ROBO1: variants seen among roughly 807,000 people sequenced by gnomAD.
ROBO1 encodes the protein roundabout guidance receptor 1, also known as roundabout homolog 1.
In ROBO1, 149 loss-of-function variants were observed where a neutral mutation model predicts 195.9. The observed-to-expected ratio is 0.76, with a 90% CI of 0.67 to 0.87. ROBO1 has a LOEUF of 0.87. Ranked by LOEUF, ROBO1 falls within the 40% of genes least tolerant of loss-of-function variation. The pLI is 0.00. For synonymous variants in ROBO1, 816 were observed against 733.2 expected (o/e 1.11, Z -1.82); for missense variants, 1,933 against 2,068.3 (o/e 0.93, Z 1.27).
At chr3:79,663,314 GTTAT>G (rs1295680148) in intron 1 of ROBO1, among the ~76,000 whole-genome samples, 22 of 151,998 alleles carry the variant, frequency 1.4e-4, no homozygotes, top group African/African-American at 5.1e-4. Context: ...AAAACTCAAA[GTTAT>G]TTATTGGATT....
At chr3:79,518,454 C>T (rs956734066) in intron 2 of ROBO1, among the ~76,000 whole-genome samples, 1 of 152,070 alleles carries the variant, frequency 6.6e-6, no homozygotes, top group Non-Finnish European at 1.5e-5. Context: ...TCAGTTCTCT[C>T]AGGTAGTTTT....
intron 2 of ROBO1, among the ~76,000 whole-genome samples, chr3:79,390,685 A>C (rs772794329): frequency 6.6e-6 from 1 of 152,122 alleles, no homozygotes; most frequent in Non-Finnish European, 1.5e-5. Context: ...GTGCATACAC[A>C]CCTAGGCAGA....
intron 3 of ROBO1, among the ~76,000 whole-genome samples, chr3:78,953,731 C>A (rs1395643406): frequency 6.6e-6 from 1 of 151,912 alleles, no homozygotes; most frequent in Non-Finnish European, 1.5e-5. Flanking sequence ...TCAAATCTAG[C>A]CTCTGGTACT....
At chr3:78,934,897 T>A (rs540190401) in intron 4 of ROBO1, among the ~76,000 whole-genome samples, 1 of 152,186 alleles carries the variant, frequency 6.6e-6, no homozygotes, top group African/African-American at 2.4e-5. Context: ...GGAGTAATCC[T>A]TCCATCTTCC....
intron 3 of ROBO1, among the ~76,000 whole-genome samples, chr3:79,066,344 G>C (rs140926862): frequency 2.5e-3 from 377 of 151,918 alleles, no homozygotes; most frequent in African/African-American, 8.7e-3. Context: ...GCTATTTCTT[G>C]ATCTAGGTTA....
chr3:79,238,856 T>G (rs1437882530), intron 2 of ROBO1, among the ~76,000 whole-genome samples: 1 of 152,246 alleles, frequency 6.6e-6, no homozygotes, highest in Admixed American at 6.5e-5. Context: ...GATTCTGTTT[T>G]CTGTCACTTG....
At chr3:79,662,408 T>A (rs1946355348) in intron 1 of ROBO1, among the ~76,000 whole-genome samples, 1 of 152,090 alleles carries the variant, frequency 6.6e-6, no homozygotes. Flanking sequence ...CATTAAACCC[T>A]CATTCTTTGA....
chr3:79,158,352 AAC>A (rs1380296334), intron 2 of ROBO1, among the ~76,000 whole-genome samples: 3 of 145,708 alleles, frequency 2.1e-5, no homozygotes, highest in Non-Finnish European at 4.5e-5. Context: ...AATAGTATGT[AAC>A]ACATATTTTC....
intron 18 of ROBO1, among the ~76,000 whole-genome samples, chr3:78,652,269 A>G (rs562671345): frequency 1.3e-5 from 2 of 152,300 alleles, no homozygotes; most frequent in African/African-American, 4.8e-5. Flanking sequence ...AAATACAAAA[A>G]CATAACACTA....
rs577134009 is a variant in ROBO1 at position 78,619,787 on chromosome 3, G to A, written c.3876-1746C>T. 3.3e-5 allele frequency among the ~76,000 whole-genome samples: 5 copies of A among 152,148 alleles called. No individual in the cohort carries two copies. In the East Asian group the frequency reaches 9.8e-4, roughly 30 times the overall value. ...AATCCCAGCACTTTGAGAGGCTGAGGTGGGTGGATCACCTGAGGTCAGGAG... is the reference window on the plus strand; with the variant it reads ...AATCCCAGCACTTTGAGAGGCTGAGATGGGTGGATCACCTGAGGTCAGGAG... On this transcript the variant is annotated intron_variant, in intron 26 of 30. Transcript: ENST00000464233.
rs544290572 is a variant in ROBO1, at chr3:79,284,725, C to T, written c.89-159186G>A. Reference sequence around the variant, plus strand: ...TAAATGGAAAATTAGCAAAGTCTAACATATCACTTAGTTACACTTAGAAGA... The same window carrying T: ...TAAATGGAAAATTAGCAAAGTCTAATATATCACTTAGTTACACTTAGAAGA... On this transcript the variant is annotated intron_variant, in intron 2 of 30. Transcript: ENST00000464233. 2.4e-4 allele frequency among the ~76,000 whole-genome samples: 37 copies of T among 152,226 alleles called. No individual in the cohort carries two copies. The South Asian group carries it at 7.5e-3, about 31-fold the overall frequency.
intron 8 of ROBO1, among the ~76,000 whole-genome samples, chr3:78,690,544 G>A (rs1284480767): frequency 1.3e-5 from 2 of 151,960 alleles, no homozygotes; most frequent in Non-Finnish European, 2.9e-5. Context: ...ATAGGCGAGG[G>A]CATCACTGCT....
chr3:79,673,689 A>AT (rs1946698236), intron 1 of ROBO1, among the ~76,000 whole-genome samples: 1 of 151,986 alleles, frequency 6.6e-6, no homozygotes, highest in African/African-American at 2.4e-5. Flanking sequence ...TAACTTTAAG[A>AT]TTCGTCTGAG....
intron 21 of ROBO1, among the ~76,000 whole-genome samples, chr3:78,643,129 T>A (rs1186663308): frequency 6.6e-6 from 1 of 152,150 alleles, no homozygotes; most frequent in Non-Finnish European, 1.5e-5. Flanking sequence ...GGCAATCATA[T>A]CCACCAGGAG....
At chr3:79,701,018 G>T (rs1947607158) in intron 1 of ROBO1, among the ~76,000 whole-genome samples, 1 of 151,584 alleles carries the variant, frequency 6.6e-6, no homozygotes, top group Non-Finnish European at 1.5e-5. Context: ...AAAAGGTAAG[G>T]GTCCAGTTTC....
At chr3:78,847,625 A>G (rs569257553) in intron 4 of ROBO1, among the ~76,000 whole-genome samples, 1 of 152,274 alleles carries the variant, frequency 6.6e-6, no homozygotes, top group East Asian at 1.9e-4. Flanking sequence ...AAAAAATTCT[A>G]AACAGCCATT....
chr3:79,705,766 G>A (rs1947751273), intron 1 of ROBO1, among the ~76,000 whole-genome samples: 1 of 151,984 alleles, frequency 6.6e-6, no homozygotes, highest in Non-Finnish European at 1.5e-5. Context: ...AACAAGTTGG[G>A]GAGAACTGAC....
intron 3 of ROBO1, among the ~76,000 whole-genome samples, chr3:79,110,003 A>G (rs1184993195): frequency 1.3e-5 from 2 of 152,116 alleles, no homozygotes; most frequent in African/African-American, 4.8e-5. Context: ...TGACCCCTAC[A>G]TTGGTATGAG....
At chr3:79,039,286 T>G (rs545474306) in intron 3 of ROBO1, among the ~76,000 whole-genome samples, 1 of 152,320 alleles carries the variant, frequency 6.6e-6, no homozygotes, top group South Asian at 2.1e-4. Context: ...AATTCTCAAC[T>G]GTTTTCTGGG....
Sources: allele counts gnomAD v4.1 joint callset (sites outside exome capture counted in the v4.1 genomes callset), GRCh38; gene constraint gnomAD v4.1.1; transcripts MANE v1.5; gene names NCBI Gene and HGNC (gene_info 2026-07-23, HGNC 2026-07-21).